SCUBE1: variants seen among roughly 807,000 people sequenced by gnomAD.
SCUBE1 encodes the protein signal peptide, CUB domain and EGF like domain containing 1, also known as signal peptide, CUB and EGF-like domain-containing protein 1.
In SCUBE1, 59 loss-of-function variants were observed where a neutral mutation model predicts 124.4. That is an observed-to-expected ratio of 0.47 (90% CI 0.38 to 0.59). SCUBE1 has a LOEUF of 0.59. SCUBE1 is among the 20% of genes least tolerant of loss of function. The pLI, the probability that SCUBE1 is intolerant of heterozygous loss-of-function variation, is 0.00. For synonymous variants in SCUBE1, 545 were observed against 550.9 expected (o/e 0.99, Z 0.15); for missense variants, 1,150 against 1,371.2 (o/e 0.84, Z 2.55).
intron 12 of SCUBE1, among the ~76,000 whole-genome samples, chr22:43,221,751 A>G (rs900335610): frequency 3.3e-5 from 5 of 152,216 alleles, no homozygotes; most frequent in Admixed American, 1.3e-4. Flanking sequence ...GCTTAGAATC[A>G]AATCACATAT....
intron 10 of SCUBE1, among the ~76,000 whole-genome samples, chr22:43,225,260 GA>G (rs1469147775): frequency 1.3e-5 from 2 of 151,934 alleles, no homozygotes; most frequent in South Asian, 2.1e-4. Flanking sequence ...AGGAAAGCCA[GA>G]AATCAGATCT....
intron 4 of SCUBE1, among the ~76,000 whole-genome samples, chr22:43,287,820 T>G (rs1393869978): frequency 1.3e-5 from 2 of 152,172 alleles, no homozygotes; most frequent in East Asian, 1.9e-4. Flanking sequence ...TGCTCTAATT[T>G]TGAGCTATAA....
rs1921546771 is a variant in SCUBE1 at position 43,211,395 on chromosome 22, A to AGACAGGGAGGAGGG, written c.2222-326_2222-313dup. 6.6e-6 allele frequency among the ~76,000 whole-genome samples: 1 copy of AGACAGGGAGGAGGG among 151,634 alleles called. No homozygotes were observed. The highest frequency in any genetic ancestry group is 2.4e-5 in the African/African-American group (1 of 41,220). ...TGATGTGGCCGGAGGCGTGCGGGGG[A>AGACAGGGAGGAGGG]GACAGGGAGGAGGGGAAGTGGAGCC... On this transcript the variant is annotated intron_variant, in intron 17 of 21. Coordinates refer to ENST00000360835, the MANE Select transcript of SCUBE1 (RefSeq NM_173050.5). This position sits in a 1 kb window ranked among gnomAD's most constrained non-coding sequence, Gnocchi z 4.5.
chr22:43,276,477 C>T (rs1463143183), intron 4 of SCUBE1, among the ~76,000 whole-genome samples: 3 of 152,188 alleles, frequency 2.0e-5, no homozygotes, highest in Admixed American at 2.0e-4. Context: ...CCAGGGGTGG[C>T]CAGGCAGACG....
intron 7 of SCUBE1, chr22:43,238,417 C>T: frequency 2.2e-6 from 1 of 459,162 alleles, no homozygotes; most frequent in Non-Finnish European, 3.9e-6. Context: ...CTGTCCCCAT[C>T]AGCTCTGCAA....
chr22:43,232,061 G>T, intron 7 of SCUBE1, 186 bp from the exon 8 acceptor site: 1 of 633,654 alleles, frequency 1.6e-6, no homozygotes. Flanking sequence ...AGGGGTCAGG[G>T]TCGGGGCTGG....
chr22:43,301,499 C>T (rs6003145), intron 3 of SCUBE1, among the ~76,000 whole-genome samples: 2,268 of 152,292 alleles, frequency 0.015, 69 homozygotes, highest in African/African-American at 0.053. Context: ...TGCTCCTCTG[C>T]CTGGAATGTT....
chr22:43,250,010 C>T (rs747540666), intron 6 of SCUBE1, among the ~76,000 whole-genome samples: 17 of 152,256 alleles, frequency 1.1e-4, no homozygotes, highest in Non-Finnish European at 2.2e-4. Context: ...GTGCTTCCTA[C>T]GTGCCTGGCA....
intron 10 of SCUBE1, among the ~76,000 whole-genome samples, chr22:43,226,795 G>A (rs1414837377): frequency 1.3e-5 from 2 of 152,104 alleles, no homozygotes; most frequent in African/African-American, 4.8e-5. Flanking sequence ...AGGGTCCCAT[G>A]TACAGGGAAC....
chr22:43,325,439 G>A (rs370521203), intron 2 of SCUBE1, among the ~76,000 whole-genome samples: 208 of 85,742 alleles, frequency 2.4e-3, no homozygotes, highest in African/African-American at 0.012. Context: ...GCAAAACTCC[G>A]TCTTTAAAAA....
Position 43,258,072 on chromosome 22 carries a change from C to T in SCUBE1, c.727+147G>A. On this transcript the variant is annotated intron_variant, in intron 6 of 21. Coordinates refer to ENST00000360835, the MANE Select transcript of SCUBE1 (RefSeq NM_173050.5). This position sits in a 1 kb window ranked among gnomAD's most constrained non-coding sequence, Gnocchi z 5.0. ...CCCCAGGGGCGCCGGCCATCCCCGC[C>T]ATTGCCATGGGCTTGCCTTTCCTTG... 1 of 669,536 alleles carries T rather than the reference C, an allele frequency of 1.5e-6. No homozygotes were observed. The highest frequency in any genetic ancestry group is 1.7e-5 in the South Asian group (1 of 58,524). 41.5% of individuals were successfully genotyped at this position (669,536 alleles called of 1,614,324 possible). A position where few individuals can be genotyped will look rare whatever the true frequency, so the allele number is the denominator to read the frequency against.
intron 6 of SCUBE1, among the ~76,000 whole-genome samples, chr22:43,251,359 T>A (rs1923440108): frequency 6.6e-6 from 1 of 152,144 alleles, no homozygotes; most frequent in African/African-American, 2.4e-5. Context: ...AGCAGAACCA[T>A]CTGTTTTAGG....
At chr22:43,332,886 G>A (rs192421787) in intron 2 of SCUBE1, among the ~76,000 whole-genome samples, 10 of 152,276 alleles carry the variant, frequency 6.6e-5, no homozygotes, top group East Asian at 5.8e-4. Context: ...GATGTTCACA[G>A]CTGATAACTC....
chr22:43,205,653 CCA>C (rs1335820722), intron 21 of SCUBE1, among the ~76,000 whole-genome samples: 5 of 139,752 alleles, frequency 3.6e-5, no homozygotes, highest in African/African-American at 1.4e-4. Context: ...ACACTCACCC[CCA>C]CACACACCAC....
chr22:43,339,296 T>TAAGGTGTGGC, intron 1 of SCUBE1, 61 bp from the exon 2 acceptor site: 1 of 1,557,282 alleles, frequency 6.4e-7, no homozygotes, highest in South Asian at 1.1e-5. Flanking sequence ...AGGTGGCCGA[T>TAAGGTGTGGC]AGTGTAGGGC....
At chr22:43,307,066 G>A (rs1203679272) in intron 3 of SCUBE1, among the ~76,000 whole-genome samples, 1 of 152,222 alleles carries the variant, frequency 6.6e-6, no homozygotes, top group African/African-American at 2.4e-5. Context: ...CCACACAAAC[G>A]AGCCTGCTGT....
chr22:43,239,157 GA>G, intron 6 of SCUBE1: 1 of 597,634 alleles, frequency 1.7e-6, no homozygotes, highest in Middle Eastern at 4.5e-4. Context: ...ATGGGGGAAT[GA>G]CACCATTCCT....
rs2146654337 is a variant in SCUBE1, at chr22:43,210,758, C to T, written c.2383+164G>A. Among the ~76,000 whole-genome samples the T allele has an allele frequency of 6.6e-6, 1 of 152,344 alleles. No individual in the cohort carries two copies. The highest frequency in any genetic ancestry group is 1.9e-4 in the East Asian group (1 of 5,178). On this transcript the variant is annotated intron_variant, in intron 18 of 21. Coordinates refer to ENST00000360835, the MANE Select transcript of SCUBE1 (RefSeq NM_173050.5). The surrounding 1 kb of genome is among the most constrained non-coding windows in gnomAD (Gnocchi z 4.5). ...AGCCAGGGCTGCCCCTTTGGTGCCA[C>T]AGGCCTCCAGATGGATGCAATGCAC...
intron 6 of SCUBE1, among the ~76,000 whole-genome samples, chr22:43,239,984 T>G (rs1350254642): frequency 6.6e-6 from 1 of 152,168 alleles, no homozygotes; most frequent in Non-Finnish European, 1.5e-5. Flanking sequence ...GGGGAGTCAA[T>G]GAATACATAC....
Sources: allele counts gnomAD v4.1 joint callset (sites outside exome capture counted in the v4.1 genomes callset), GRCh38; gene constraint gnomAD v4.1.1; non-coding constraint Gnocchi (gnomAD v3.1); transcripts MANE v1.5; gene names NCBI Gene and HGNC (gene_info 2026-07-23, HGNC 2026-07-21).